Variants in MIS18A observed in about 807,000 individuals in gnomAD.
MIS18A encodes protein Mis18-alpha.
MIS18A carries 14 observed loss-of-function variants against 25.0 expected under a neutral mutation model. The ratio of observed to expected loss-of-function variants is 0.56; its 90% CI spans 0.37 to 0.88. The LOEUF (loss-of-function observed/expected upper bound fraction) is 0.88, where lower values mean the gene tolerates loss of function less well. Among genes scored for constraint, MIS18A ranks in the 40% least tolerant of loss-of-function variants. The pLI, the probability that MIS18A is intolerant of heterozygous loss-of-function variation, is 0.00. For synonymous variants in MIS18A, 134 were observed against 118.6 expected, an observed-to-expected ratio of 1.13 and a Z score of -0.84; for missense variants, 292 against 290.8, an observed-to-expected ratio of 1.00 and a Z score of -0.03.
chr21:32,222,829 G>C, the MIS18A span, among the ~76,000 whole-genome samples: 1 of 151,804 alleles, frequency 6.6e-6, no homozygotes, highest in Non-Finnish European at 1.5e-5. Context: ...TACTTGGGAG[G>C]CTAAAGGAGG....
At chr21:32,168,742 T>C in the MIS18A span, among the ~76,000 whole-genome samples, 1 of 152,138 alleles carries the variant, frequency 6.6e-6, no homozygotes, top group Non-Finnish European at 1.5e-5. Flanking sequence ...AAAATATGCA[T>C]GTAACTAATA....
At chr21:32,266,724 C>T (rs1394045218), downstream of MIS18A, among the ~76,000 whole-genome samples, 1 of 151,998 alleles carries the variant, frequency 6.6e-6, no homozygotes, top group African/African-American at 2.4e-5. Context: ...ACTCCAGACG[C>T]GCCACCTTAA....
the MIS18A span, among the ~76,000 whole-genome samples, chr21:32,178,703 A>G: frequency 6.6e-6 from 1 of 152,098 alleles, no homozygotes. Flanking sequence ...TCCTTATCCT[A>G]TTTGGAATAC....
chr21:32,155,981 A>G, the MIS18A span, among the ~76,000 whole-genome samples: 2 of 152,202 alleles, frequency 1.3e-5, no homozygotes, highest in Non-Finnish European at 2.9e-5. Context: ...GAACTTATGC[A>G]GACAACTATA....
the MIS18A span, among the ~76,000 whole-genome samples, chr21:32,196,766 T>C: frequency 1.3e-5 from 2 of 152,136 alleles, no homozygotes; most frequent in African/African-American, 4.8e-5. Context: ...GCTAATGTCT[T>C]ATAATAAATT....
chr21:32,168,180 A>G, the MIS18A span, among the ~76,000 whole-genome samples: 1 of 152,248 alleles, frequency 6.6e-6, no homozygotes, highest in African/African-American at 2.4e-5. Flanking sequence ...GAGGGCTCCA[A>G]CCAGGAACCA....
the MIS18A span, among the ~76,000 whole-genome samples, chr21:32,167,369 G>A: frequency 6.6e-6 from 1 of 152,086 alleles, no homozygotes; most frequent in African/African-American, 2.4e-5. Flanking sequence ...TAAAATAACT[G>A]TAATTAATAT....
the MIS18A span, among the ~76,000 whole-genome samples, chr21:32,245,401 G>A: frequency 4.6e-5 from 7 of 152,234 alleles, no homozygotes; most frequent in Non-Finnish European, 8.8e-5. Context: ...ATAGATATGT[G>A]ATCGTGTGTG....
At chr21:32,186,723 C>T in the MIS18A span, among the ~76,000 whole-genome samples, 10 of 152,284 alleles carry the variant, frequency 6.6e-5, no homozygotes, top group East Asian at 1.9e-4. Flanking sequence ...ACCATTCACA[C>T]GAGCAAAATT....
chr21:32,254,296 T>C, the MIS18A span, among the ~76,000 whole-genome samples: 7 of 152,074 alleles, frequency 4.6e-5, no homozygotes, highest in South Asian at 1.2e-3. Flanking sequence ...TCCCAGCACT[T>C]TGGGAGGCAG....
the MIS18A span, among the ~76,000 whole-genome samples, chr21:32,222,774 CA>C: frequency 6.6e-6 from 1 of 151,182 alleles, no homozygotes; most frequent in Non-Finnish European, 1.5e-5. Context: ...AATAAAAATA[CA>C]AAAAAATTAG....
chr21:32,210,410 G>A, the MIS18A span, among the ~76,000 whole-genome samples: 56,375 of 151,946 alleles, frequency 0.37, 10,651 homozygotes, highest in East Asian at 0.46. Context: ...GATACCTAGA[G>A]AGGCTAAACT....
At chr21:32,272,603 GAACC>G (rs2031733727) in intron 2 of MIS18A, among the ~76,000 whole-genome samples, 1 of 152,178 alleles carries the variant, frequency 6.6e-6, no homozygotes, top group South Asian at 2.1e-4. Flanking sequence ...CTCAGGCAGA[GAACC>G]AGCCAGGCAA....
At chr21:32,278,609 G>C (rs2031863723) in intron 1 of MIS18A, 72 bp downstream of exon 1, 1 of 1,389,282 alleles carries the variant, frequency 7.2e-7, no homozygotes. Context: ...GCCTCCTCCC[G>C]GGCCGCCCAC....
chr21:32,227,306 T>C, the MIS18A span, among the ~76,000 whole-genome samples: 1 of 151,340 alleles, frequency 6.6e-6, no homozygotes, highest in Non-Finnish European at 1.5e-5. Flanking sequence ...AATTGACAAA[T>C]GTTTCTCAAA....
At chr21:32,222,205 C>T in the MIS18A span, among the ~76,000 whole-genome samples, 1 of 151,952 alleles carries the variant, frequency 6.6e-6, no homozygotes, top group Non-Finnish European at 1.5e-5. Flanking sequence ...AAGGGCATTA[C>T]ATAATGGTAA....
the MIS18A span, among the ~76,000 whole-genome samples, chr21:32,218,221 A>G: frequency 6.6e-6 from 1 of 151,092 alleles, no homozygotes; most frequent in African/African-American, 2.4e-5. Context: ...AAAAAGATAA[A>G]CAAATAATGA....
Position 32,269,098 on chromosome 21 carries a change from G to C in MIS18A, c.641C>G (p.Ala214Gly). 1 of 1,604,662 alleles carries C rather than the reference G, an allele frequency of 6.2e-7. No homozygotes were observed. The highest frequency in any genetic ancestry group is 1.1e-5 in the South Asian group (1 of 88,998). Residue 214 changes from alanine to glycine, a missense_variant, in exon 5 of 5, where the codon GCA becomes GGA. Coordinates refer to ENST00000290130, the MANE Select transcript of MIS18A (RefSeq NM_018944.3). ...GGCCTCCCACAGCTTCATTTGTAAT[G>C]CTTTCAAGACATCTTCCATCTATTG... The part of the protein sequence containing the change: ...SLTQMEDVLK[A>G]LQMKLWEAES...
chr21:32,162,247 C>A, the MIS18A span, among the ~76,000 whole-genome samples: 48 of 152,214 alleles, frequency 3.2e-4, no homozygotes, highest in African/African-American at 1.1e-3. Flanking sequence ...AAAGCCTCAC[C>A]GACACTGCCA....
Sources: gnomAD v4.1 joint callset for allele counts (sites outside exome capture counted in the v4.1 genomes callset) on GRCh38, gnomAD v4.1.1 for gene constraint, MANE v1.5 for transcripts, NCBI Gene and HGNC (gene_info 2026-07-23, HGNC 2026-07-21) for gene names.